Variants in RAB2A observed in about 807,000 individuals in gnomAD.
RAB2A encodes ras-related protein Rab-2A.
In RAB2A, 7 loss-of-function variants were observed where a neutral mutation model predicts 32.5. The observed-to-expected ratio is 0.22, with a 90% CI of 0.12 to 0.40. The LOEUF is 0.40. RAB2A is among the 10% of genes least tolerant of loss of function. The probability of loss-of-function intolerance (pLI) is 1.00; values close to 1 mark genes in which losing one functional copy is unlikely to be tolerated. For missense variants in RAB2A, 108 were observed against 260.7 expected (o/e 0.41, Z 4.03); for synonymous variants, 79 against 85.2 (o/e 0.93, Z 0.40).
At chr8:60,617,176 ATATT>A (rs1563488541) in intron 6 of RAB2A, among the ~76,000 whole-genome samples, 3 of 152,242 alleles carry the variant, frequency 2.0e-5, no homozygotes, top group Admixed American at 6.5e-5. Context: ...AGCATTCGTA[ATATT>A]TATATATAAT....
At chr8:60,557,835 G>T (rs1038455341) in intron 1 of RAB2A, among the ~76,000 whole-genome samples, 1 of 151,932 alleles carries the variant, frequency 6.6e-6, no homozygotes, top group African/African-American at 2.4e-5. Flanking sequence ...CAAAGTGCTC[G>T]GATTACAGGC....
chr8:60,520,687 T>C (rs73257481), intron 1 of RAB2A, among the ~76,000 whole-genome samples: 12,477 of 152,294 alleles, frequency 0.082, 1,556 homozygotes, highest in African/African-American at 0.27. Flanking sequence ...TTGCATTTTA[T>C]GCTGGTCCCC....
At chr8:60,619,876 A>AG (rs1804502243) in intron 7 of RAB2A, among the ~76,000 whole-genome samples, 1 of 152,242 alleles carries the variant, frequency 6.6e-6, no homozygotes, top group Non-Finnish European at 1.5e-5. Flanking sequence ...ACCAGCCCAG[A>AG]GGGGGCAAAA....
intron 1 of RAB2A, among the ~76,000 whole-genome samples, chr8:60,538,083 G>C (rs375805344): frequency 1.3e-5 from 2 of 152,190 alleles, no homozygotes; most frequent in Non-Finnish European, 2.9e-5. Flanking sequence ...AGGAAGAAAG[G>C]AATAGGGATG....
chr8:60,577,437 T>A (rs1471496403), intron 3 of RAB2A, among the ~76,000 whole-genome samples: 1 of 152,190 alleles, frequency 6.6e-6, no homozygotes, highest in Non-Finnish European at 1.5e-5. Flanking sequence ...ATTGTTACTT[T>A]TCTCAGGATC....
chr8:60,552,533 C>G (rs552575601), intron 1 of RAB2A: 1 of 152,238 alleles, frequency 6.6e-6, no homozygotes, highest in Non-Finnish European at 1.5e-5. Context: ...TTTTACATTT[C>G]TAAACAGATA....
At chr8:60,591,647 A>G in intron 5 of RAB2A, 1 of 387,438 alleles carries the variant, frequency 2.6e-6, no homozygotes, top group African/African-American at 2.0e-5. Flanking sequence ...CTAACACAGA[A>G]TCTTTCTTCT....
chr8:60,598,477 A>G (rs1252790600), intron 6 of RAB2A, among the ~76,000 whole-genome samples: 1 of 152,214 alleles, frequency 6.6e-6, no homozygotes, highest in Non-Finnish European at 1.5e-5. Context: ...TTATAAATAT[A>G]TAAGCAAAAC....
Position 60,534,146 on chromosome 8 carries a change from A to G in RAB2A, c.46+16893A>G, listed in dbSNP as rs569673741. Among the ~76,000 whole-genome samples, 9 of 152,362 alleles carry G rather than the reference A, an allele frequency of 5.9e-5. No individual in the cohort carries two copies. The South Asian group carries it at 6.2e-4, about 11-fold the overall frequency. On this transcript the variant is annotated intron_variant, in intron 1 of 7. Coordinates refer to ENST00000262646, the MANE Select transcript of RAB2A (RefSeq NM_002865.3). ...AGTTCTAAAGGTGTGTGGACAGGGT[A>G]CTTTCTAACTGGAGTGAATGGCTTA...
chr8:60,536,848 A>G (rs989643659), intron 1 of RAB2A, among the ~76,000 whole-genome samples: 1 of 152,220 alleles, frequency 6.6e-6, no homozygotes, highest in African/African-American at 2.4e-5. Flanking sequence ...GTGGGGGAAG[A>G]AAATATGATT....
At chr8:60,555,748 T>C (rs1050723910) in intron 1 of RAB2A, among the ~76,000 whole-genome samples, 13 of 152,202 alleles carry the variant, frequency 8.5e-5, no homozygotes, top group Non-Finnish European at 1.6e-4. Flanking sequence ...TCTTATACAC[T>C]GTTGATGGGA....
intron 1 of RAB2A, among the ~76,000 whole-genome samples, chr8:60,545,038 C>G (rs1807706506): frequency 6.6e-6 from 1 of 152,084 alleles, no homozygotes; most frequent in African/African-American, 2.4e-5. Context: ...AGCCACCATG[C>G]CTGACTTGCG....
At chr8:60,561,163 A>G (rs933192645) in intron 2 of RAB2A, among the ~76,000 whole-genome samples, 1 of 151,900 alleles carries the variant, frequency 6.6e-6, no homozygotes, top group Non-Finnish European at 1.5e-5. Flanking sequence ...GCTGTTTGTA[A>G]TCTCTGGGTT....
chr8:60,546,160 G>C (rs190915013), intron 1 of RAB2A, among the ~76,000 whole-genome samples: 3 of 152,334 alleles, frequency 2.0e-5, no homozygotes, highest in Admixed American at 6.5e-5. Context: ...ACTAGAAGAG[G>C]TGGAGGGTGT....
chr8:60,535,198 A>G (rs896739555), intron 1 of RAB2A, among the ~76,000 whole-genome samples: 3 of 152,220 alleles, frequency 2.0e-5, no homozygotes, highest in Non-Finnish European at 4.4e-5. Context: ...TTGACATTTA[A>G]AGTAGCTATA....
At chr8:60,612,377 G>T (rs1470652313) in intron 6 of RAB2A, among the ~76,000 whole-genome samples, 1 of 152,070 alleles carries the variant, frequency 6.6e-6, no homozygotes, top group East Asian at 1.9e-4. Flanking sequence ...CATTGATACT[G>T]GTGATACTAA....
At chr8:60,542,666 G>T (rs1350356042) in intron 1 of RAB2A, among the ~76,000 whole-genome samples, 1 of 152,050 alleles carries the variant, frequency 6.6e-6, no homozygotes, top group Non-Finnish European at 1.5e-5. Flanking sequence ...TAATATTGGG[G>T]GTACTTTAAT....
intron 6 of RAB2A, among the ~76,000 whole-genome samples, chr8:60,601,159 C>T (rs1178320559): frequency 1.3e-5 from 2 of 151,906 alleles, no homozygotes; most frequent in Non-Finnish European, 2.9e-5. Context: ...GCTATAGAAG[C>T]TTGTTGGTAT....
At chr8:60,584,355 T>A in intron 4 of RAB2A, 65 bp downstream of exon 4, 1 of 1,335,138 alleles carries the variant, frequency 7.5e-7, no homozygotes, top group Admixed American at 1.7e-5. Context: ...TAGATGTGGT[T>A]AACAGTAATG....
Sources: gnomAD v4.1 joint callset for allele counts (sites outside exome capture counted in the v4.1 genomes callset) on GRCh38, gnomAD v4.1.1 for gene constraint, MANE v1.5 for transcripts, NCBI Gene and HGNC (gene_info 2026-07-23, HGNC 2026-07-21) for gene names.